Variants in SNX29 observed in about 807,000 individuals in gnomAD.
The protein encoded by SNX29 is sorting nexin-29.
A neutral mutation model predicts 102.1 loss-of-function variants in SNX29; 78 were observed. The observed-to-expected ratio is 0.76, with a 90% CI of 0.64 to 0.92. SNX29 has a LOEUF of 0.92. SNX29 is among the 40% of genes least tolerant of loss of function. The pLI is 0.00. For missense variants in SNX29, 1,280 were observed against 1,061.7 expected (o/e 1.21, Z -2.86); for synonymous variants, 580 against 414.5 (o/e 1.40, Z -4.85).
chr16:12,460,225 C>T (rs532246957), intron 18 of SNX29, among the ~76,000 whole-genome samples: 39 of 152,178 alleles, frequency 2.6e-4, no homozygotes, highest in Non-Finnish European at 4.7e-4. Context: ...CAGACGCAGC[C>T]GAACAGGCCT....
intron 20 of SNX29, among the ~76,000 whole-genome samples, chr16:12,532,466 A>G (rs867360343): frequency 6.6e-6 from 1 of 152,212 alleles, no homozygotes; most frequent in Non-Finnish European, 1.5e-5. Flanking sequence ...TTAAGCAAAC[A>G]GTTTTAGATG....
At chr16:12,033,412 C>G (rs989979986) in intron 4 of SNX29, among the ~76,000 whole-genome samples, 1 of 151,466 alleles carries the variant, frequency 6.6e-6, no homozygotes, top group Admixed American at 6.6e-5. Flanking sequence ...CTCCTTTTTT[C>G]TGTTTTCATA....
intron 18 of SNX29, among the ~76,000 whole-genome samples, chr16:12,466,302 G>T (rs1488049285): frequency 2.6e-5 from 4 of 152,290 alleles, no homozygotes; most frequent in African/African-American, 9.6e-5. Context: ...TAAGTAAATT[G>T]AGTAAAGTTG....
intron 20 of SNX29, among the ~76,000 whole-genome samples, chr16:12,540,717 G>C (rs1004936321): frequency 2.0e-5 from 3 of 152,292 alleles, no homozygotes; most frequent in Admixed American, 1.3e-4. Context: ...GACGCTCCAG[G>C]GATGAAGAGC....
chr16:12,263,897 C>T (rs1231918444), intron 14 of SNX29, among the ~76,000 whole-genome samples: 1 of 152,116 alleles, frequency 6.6e-6, no homozygotes, highest in African/African-American at 2.4e-5. Flanking sequence ...AGTCTTTGCC[C>T]TTTTGAAGCT....
intron 20 of SNX29, among the ~76,000 whole-genome samples, chr16:12,528,614 G>A (rs2076850302): frequency 6.6e-6 from 1 of 152,150 alleles, no homozygotes; most frequent in Admixed American, 6.5e-5. Context: ...TGGGCACTGA[G>A]CCAGCATCCC....
At chr16:12,364,194 T>TTATGA (rs1257132796) in intron 16 of SNX29, among the ~76,000 whole-genome samples, 1 of 151,412 alleles carries the variant, frequency 6.6e-6, no homozygotes, top group African/African-American at 2.4e-5. Flanking sequence ...TTATGTTATG[T>TTATGA]TATGTTATGT....
chr16:12,311,403 A>G (rs1231248571), intron 15 of SNX29, among the ~76,000 whole-genome samples: 1 of 152,208 alleles, frequency 6.6e-6, no homozygotes, highest in Non-Finnish European at 1.5e-5. Flanking sequence ...GGCAGCCCAT[A>G]GGGACCTCCC....
intron 13 of SNX29, among the ~76,000 whole-genome samples, chr16:12,152,446 G>A (rs952507469): frequency 6.6e-5 from 10 of 152,116 alleles, no homozygotes; most frequent in African/African-American, 1.7e-4. Context: ...GAGACAGTGT[G>A]GCTTCATGGA....
At chr16:12,524,594 A>C in intron 19 of SNX29, 108 bp from the exon 20 acceptor site, 2 of 1,281,844 alleles carry the variant, frequency 1.6e-6, no homozygotes, top group South Asian at 1.7e-5. Context: ...TTGCTCAATC[A>C]GTGTTGGTTG....
chr16:12,215,318 A>C (rs1296519609), intron 14 of SNX29, among the ~76,000 whole-genome samples: 5 of 151,962 alleles, frequency 3.3e-5, no homozygotes, highest in African/African-American at 1.2e-4. Flanking sequence ...CTACAGAAAA[A>C]AAAAAAAAAA....
chr16:12,220,085 C>T (rs1177992949), intron 14 of SNX29, among the ~76,000 whole-genome samples: 2 of 152,238 alleles, frequency 1.3e-5, no homozygotes, highest in Non-Finnish European at 2.9e-5. Context: ...TCTCTTGCGA[C>T]CTGCAGCCTT....
At chr16:12,295,686 T>C (rs1281414138) in intron 15 of SNX29, among the ~76,000 whole-genome samples, 1 of 152,242 alleles carries the variant, frequency 6.6e-6, no homozygotes, top group Admixed American at 6.5e-5. Flanking sequence ...TTCAATTCAC[T>C]TATTTCTCTG....
intron 1 of SNX29, 95 bp from the exon 2 acceptor site, chr16:11,999,201 TG>T (rs1252569333): frequency 9.2e-7 from 1 of 1,091,058 alleles, no homozygotes; most frequent in Non-Finnish European, 1.4e-6. Context: ...GTTGTGCTAC[TG>T]ATTTTGTTAA....
At chr16:12,380,800 C>G (rs1405340263) in intron 16 of SNX29, among the ~76,000 whole-genome samples, 1 of 116,662 alleles carries the variant, frequency 8.6e-6, no homozygotes, top group Admixed American at 8.3e-5. Flanking sequence ...CACCCACACA[C>G]CATCCATCCA....
intron 8 of SNX29, among the ~76,000 whole-genome samples, chr16:12,057,031 C>G (rs1348427091): frequency 1.3e-5 from 2 of 152,088 alleles, no homozygotes; most frequent in African/African-American, 4.8e-5. Flanking sequence ...TCAGGTTGGT[C>G]TTGATTTCCT....
chr16:12,228,844 G>A (rs1431730719), intron 14 of SNX29, among the ~76,000 whole-genome samples: 1 of 152,232 alleles, frequency 6.6e-6, no homozygotes, highest in Non-Finnish European at 1.5e-5. Flanking sequence ...AGGCCACATG[G>A]CGAGTCAAGA....
chr16:12,050,336 G>A (rs1477766042), intron 7 of SNX29, among the ~76,000 whole-genome samples: 1 of 152,256 alleles, frequency 6.6e-6, no homozygotes, highest in East Asian at 1.9e-4. Context: ...AGTGTCTTCT[G>A]TGAGTGCTGG....
At chr16:12,078,959 C>T (rs773189073) in intron 11 of SNX29, 44 bp downstream of exon 11, 15 of 1,515,866 alleles carry the variant, frequency 9.9e-6, no homozygotes, top group Non-Finnish European at 1.3e-5. Flanking sequence ...GGGATGACTT[C>T]TGGCCCACGT....
Sources: allele counts gnomAD v4.1 joint callset (sites outside exome capture counted in the v4.1 genomes callset), GRCh38; gene constraint gnomAD v4.1.1; transcripts MANE v1.5; gene names NCBI Gene and HGNC (gene_info 2026-07-23, HGNC 2026-07-21).